Variants in CLASP1 observed in about 807,000 individuals in gnomAD.
CLASP1 encodes the protein CLIP-associating protein 1.
Under a neutral mutation model 192.3 loss-of-function variants are expected in CLASP1, and 38 were observed. The observed-to-expected ratio is 0.20, with a 90% CI of 0.15 to 0.26. CLASP1 has a LOEUF of 0.26. Ranked by LOEUF, CLASP1 falls within the 10% of genes least tolerant of loss-of-function variation. The pLI is 1.00. For synonymous variants in CLASP1, 691 were observed against 712.8 expected, an observed-to-expected ratio of 0.97 and a Z score of 0.49; for missense variants, 1,433 against 1,932.5, an observed-to-expected ratio of 0.74 and a Z score of 4.85.
chr2:121,514,750 A>G (rs998620482), intron 7 of CLASP1, among the ~76,000 whole-genome samples: 2 of 152,204 alleles, frequency 1.3e-5, no homozygotes, highest in Non-Finnish European at 2.9e-5. Flanking sequence ...TGACTCCTGT[A>G]TATTTCAATA....
At chr2:121,518,231 CA>C (rs35409200) in intron 6 of CLASP1, among the ~76,000 whole-genome samples, 8,230 of 49,710 alleles carry the variant, frequency 0.17, 196 homozygotes, top group African/African-American at 0.32. Context: ...ACCCCCGTCT[CA>C]AAAAAAAAAA....
At position 121,527,781 on chromosome 2, in the gene CLASP1, G is replaced by A; in HGVS notation, c.470+18C>T. On this transcript the variant is annotated intron_variant, in intron 5 of 39. Transcript: ENST00000263710. ...AAAATTCAGCCACGTAAAAATGTCA[G>A]GCTCATCCCAGACTTACGCATTGAG... is the stretch of plus-strand genomic sequence containing the variant. 1 of 1,568,514 alleles carries A rather than the reference G, an allele frequency of 6.4e-7. No homozygotes were observed. The highest frequency in any genetic ancestry group is 8.7e-7 in the Non-Finnish European group (1 of 1,147,354).
chr2:121,437,975 G>A (rs1020608866), intron 19 of CLASP1, among the ~76,000 whole-genome samples: 4 of 152,182 alleles, frequency 2.6e-5, no homozygotes, highest in African/African-American at 7.2e-5. Flanking sequence ...TAAAAAATGC[G>A]AGTTTATTTC....
chr2:121,373,114 T>C (rs1032370958), intron 34 of CLASP1, among the ~76,000 whole-genome samples: 3 of 152,222 alleles, frequency 2.0e-5, no homozygotes, highest in Non-Finnish European at 4.4e-5. Context: ...AGGAACCTGG[T>C]GGGAGGTAAT....
intron 1 of CLASP1, among the ~76,000 whole-genome samples, chr2:121,609,717 C>T (rs1032029913): frequency 3.3e-5 from 5 of 152,144 alleles, no homozygotes; most frequent in Non-Finnish European, 5.9e-5. Context: ...CTGAGGCGGG[C>T]GGATCATGAG....
intron 23 of CLASP1, among the ~76,000 whole-genome samples, chr2:121,412,768 T>C (rs974077331): frequency 5.3e-5 from 8 of 152,282 alleles, no homozygotes; most frequent in East Asian, 1.9e-4. Context: ...CACAGACAAT[T>C]TGAATTTCAA....
intron 7 of CLASP1, among the ~76,000 whole-genome samples, chr2:121,506,373 A>C (rs2093950531): frequency 6.6e-6 from 1 of 152,106 alleles, no homozygotes; most frequent in South Asian, 2.1e-4. Flanking sequence ...GAGCTTGTTC[A>C]ATGTTAGAGG....
At chr2:121,544,652 G>C (rs1207516303) in intron 2 of CLASP1, among the ~76,000 whole-genome samples, 5 of 152,008 alleles carry the variant, frequency 3.3e-5, no homozygotes, top group Non-Finnish European at 7.4e-5. Flanking sequence ...TAAGGGTAGA[G>C]ACGAACAAGC....
intron 1 of CLASP1, among the ~76,000 whole-genome samples, chr2:121,615,177 T>G (rs1471852012): frequency 6.6e-6 from 1 of 151,812 alleles, no homozygotes; most frequent in Non-Finnish European, 1.5e-5. Context: ...CCATCTCTAC[T>G]AAAAATACAA....
At chr2:121,592,754 G>A (rs1023508382) in intron 2 of CLASP1, among the ~76,000 whole-genome samples, 7 of 152,084 alleles carry the variant, frequency 4.6e-5, no homozygotes, top group East Asian at 1.9e-4. Context: ...CAGGGTTCAC[G>A]CCATTCTCCT....
intron 1 of CLASP1, among the ~76,000 whole-genome samples, chr2:121,637,713 C>A (rs2071159460): frequency 6.6e-6 from 1 of 152,038 alleles, no homozygotes; most frequent in Non-Finnish European, 1.5e-5. Context: ...TGGTGAAACT[C>A]CATCTCTATG....
At chr2:121,471,382 T>G (rs1205107832) in intron 8 of CLASP1, among the ~76,000 whole-genome samples, 1 of 152,104 alleles carries the variant, frequency 6.6e-6, no homozygotes, top group Non-Finnish European at 1.5e-5. Context: ...TAAGAGTGAG[T>G]CATTTAGGAG....
intron 9 of CLASP1, among the ~76,000 whole-genome samples, chr2:121,466,980 C>A (rs1030636617): frequency 6.6e-6 from 1 of 152,184 alleles, no homozygotes; most frequent in African/African-American, 2.4e-5. Context: ...CCACCCCAAA[C>A]CCTGCAACAG....
At chr2:121,383,294 G>A (rs916059245) in intron 32 of CLASP1, among the ~76,000 whole-genome samples, 1 of 152,234 alleles carries the variant, frequency 6.6e-6, no homozygotes, top group Non-Finnish European at 1.5e-5. Context: ...TCTCCCCTGA[G>A]CACAGGTATG....
chr2:121,419,184 C>A (rs1375410228), intron 22 of CLASP1, among the ~76,000 whole-genome samples: 1 of 152,172 alleles, frequency 6.6e-6, no homozygotes, highest in East Asian at 1.9e-4. Flanking sequence ...AATAACCACA[C>A]TGGTCACTGA....
intron 30 of CLASP1, among the ~76,000 whole-genome samples, chr2:121,393,242 T>C (rs1021044972): frequency 1.3e-5 from 2 of 152,192 alleles, no homozygotes; most frequent in African/African-American, 2.4e-5. Flanking sequence ...TGAAGGGCTC[T>C]TCTGTATTTG....
intron 1 of CLASP1, among the ~76,000 whole-genome samples, chr2:121,630,172 C>T (rs1321869933): frequency 1.3e-5 from 2 of 151,938 alleles, no homozygotes; most frequent in Non-Finnish European, 2.9e-5. Flanking sequence ...CACCCGCCTC[C>T]GCCTCCCAAA....
intron 32 of CLASP1, among the ~76,000 whole-genome samples, chr2:121,386,342 G>A (rs2073186996): frequency 6.6e-6 from 1 of 152,144 alleles, no homozygotes; most frequent in African/African-American, 2.4e-5. Flanking sequence ...TAATCCTGTA[G>A]ACAAACAGAG....
chr2:121,454,154 C>G lies in CLASP1; in HGVS notation c.1386-2305G>C, dbSNP rs147758619. Among the ~76,000 whole-genome samples the G allele has an allele frequency of 4.9e-4, 74 of 151,762 alleles. No individual in the cohort carries two copies. The East Asian group carries it at 0.013, about 27-fold the overall frequency. On this transcript the variant is annotated intron_variant, in intron 14 of 39. Transcript: ENST00000263710. ...AAGCGAATTTTATCTCCCTGCCCAC[C>G]CCCCCCTCCAAAATTAATATGCTGA...
Sources: gnomAD v4.1 joint callset for allele counts (sites outside exome capture counted in the v4.1 genomes callset) on GRCh38, gnomAD v4.1.1 for gene constraint, MANE v1.5 for transcripts, NCBI Gene and HGNC (gene_info 2026-07-23, HGNC 2026-07-21) for gene names.